FOXO3: variants seen among roughly 807,000 people sequenced by gnomAD.
FOXO3 encodes forkhead box O3, also known as forkhead box protein O3.
Under a neutral mutation model 41.9 loss-of-function variants are expected in FOXO3, and 4 were observed. That is an observed-to-expected ratio of 0.10 (90% CI 0.05 to 0.22). The LOEUF is 0.22. Among genes scored for constraint, FOXO3 ranks in the 10% least tolerant of loss-of-function variants. The probability of loss-of-function intolerance (pLI) is 1.00; values close to 1 mark genes in which losing one functional copy is unlikely to be tolerated. For missense variants in FOXO3, 534 were observed against 906.8 expected, an observed-to-expected ratio of 0.59 and a Z score of 5.28; for synonymous variants, 318 against 389.3, an observed-to-expected ratio of 0.82 and a Z score of 2.16.
At chr6:108,601,581 G>A (rs1777057852) in intron 1 of FOXO3, among the ~76,000 whole-genome samples, 2 of 152,192 alleles carry the variant, frequency 1.3e-5, no homozygotes, top group Non-Finnish European at 2.9e-5. Flanking sequence ...TGGGATTAGA[G>A]GGGTGAGCCA....
In FOXO3 at chr6:108,680,129, T is replaced by C. The variant is rs1770785040; in HGVS notation, c.*337T>C. 6.6e-6 allele frequency: 1 copy of C among 152,650 alleles called. No individual in the cohort carries two copies. The highest frequency in any genetic ancestry group is 1.5e-5 in the Non-Finnish European group (1 of 68,050). 9.5% of individuals were successfully genotyped at this position (152,650 alleles called of 1,614,324 possible). ...CCGTGAGCCCCCGTCGGCCATTCTGTGGTGTTTTAATATTGCGATGGTTTA... is the reference window on the plus strand; with the variant it reads ...CCGTGAGCCCCCGTCGGCCATTCTGCGGTGTTTTAATATTGCGATGGTTTA... On this transcript the variant is annotated 3_prime_UTR_variant, in exon 3 of 3. Coordinates refer to ENST00000406360, the MANE Select transcript of FOXO3 (RefSeq NM_001455.4).
intron 2 of FOXO3, among the ~76,000 whole-genome samples, chr6:108,672,708 CCT>C (rs919350779): frequency 2.6e-5 from 4 of 151,998 alleles, no homozygotes; most frequent in Admixed American, 1.3e-4. Flanking sequence ...CAGTACGTCT[CCT>C]CTCTCTCCCT....
chr6:108,644,571 G>GGTGGC (rs1778344527), intron 1 of FOXO3, among the ~76,000 whole-genome samples: 1 of 152,084 alleles, frequency 6.6e-6, no homozygotes, highest in Admixed American at 6.5e-5. Context: ...CCTCCTGTCT[G>GGTGGC]GTGGCTTCTG....
rs200813812 is a variant in FOXO3, at chr6:108,671,224, AG to A, written c.*34+6336del. On this transcript the variant is annotated intron_variant, in intron 2 of 2. Coordinates refer to ENST00000406360, the MANE Select transcript of FOXO3 (RefSeq NM_001455.4). ...TTGAGGAGCTCCATACTAACAGGTC[AG>A]AGTTCAGGCTGAATCCAGATGCTGG... Among the ~76,000 whole-genome samples the A allele has an allele frequency of 9.0e-3, 1,373 of 152,356 alleles. 11 individuals are homozygous for A. The highest frequency in any genetic ancestry group is 0.02 in the Middle Eastern group (6 of 294).
chr6:108,565,166 A>G (rs1440340808), intron 1 of FOXO3, among the ~76,000 whole-genome samples: 1 of 152,190 alleles, frequency 6.6e-6, no homozygotes, highest in East Asian at 1.9e-4. Context: ...TCATGTTTGC[A>G]TAGCTGTCCA....
At chr6:108,571,170 T>C (rs1465374428) in intron 1 of FOXO3, among the ~76,000 whole-genome samples, 1 of 152,236 alleles carries the variant, frequency 6.6e-6, no homozygotes, top group African/African-American at 2.4e-5. Flanking sequence ...GAGAAATGTA[T>C]GTATGTATAT....
intron 1 of FOXO3, among the ~76,000 whole-genome samples, chr6:108,569,403 C>T (rs991169989): frequency 3.3e-5 from 5 of 152,182 alleles, no homozygotes; most frequent in South Asian, 2.1e-4. Flanking sequence ...AAAAGAACTA[C>T]GGTAGCTGGC....
intron 1 of FOXO3, among the ~76,000 whole-genome samples, chr6:108,647,118 T>C (rs566853986): frequency 1.8e-4 from 27 of 152,376 alleles, no homozygotes; most frequent in Non-Finnish European, 3.1e-4. Context: ...TTTTCTGTTT[T>C]TAAACCTCAT....
At chr6:108,583,435 A>G (rs1776485764) in intron 1 of FOXO3, among the ~76,000 whole-genome samples, 1 of 152,216 alleles carries the variant, frequency 6.6e-6, no homozygotes, top group Non-Finnish European at 1.5e-5. Flanking sequence ...AGTATATTGC[A>G]TGTAATGTTT....
intron 1 of FOXO3, among the ~76,000 whole-genome samples, chr6:108,562,826 T>G (rs1259161145): frequency 6.6e-6 from 1 of 152,174 alleles, no homozygotes; most frequent in African/African-American, 2.4e-5. Context: ...CCAAAGAGAT[T>G]AACTCCTCTG....
intron 1 of FOXO3, among the ~76,000 whole-genome samples, chr6:108,630,341 C>T (rs1184328573): frequency 6.6e-6 from 1 of 152,018 alleles, no homozygotes; most frequent in East Asian, 1.9e-4. Flanking sequence ...CTTGAGAGGA[C>T]AGAGAGGGTG....
chr6:108,608,178 A>G (rs1011588056), intron 1 of FOXO3, among the ~76,000 whole-genome samples: 3 of 152,176 alleles, frequency 2.0e-5, no homozygotes, highest in Non-Finnish European at 4.4e-5. Context: ...GATCACCTCA[A>G]GTTTCTCTCT....
intron 1 of FOXO3, among the ~76,000 whole-genome samples, chr6:108,651,221 T>C (rs1223701132): frequency 2.0e-5 from 3 of 152,248 alleles, no homozygotes; most frequent in Non-Finnish European, 4.4e-5. Context: ...TGGGGTATTC[T>C]GGTGTGTAGC....
chr6:108,571,014 TCCTGATACTACATGTTCATTTATA>T (rs1776085009), intron 1 of FOXO3, among the ~76,000 whole-genome samples: 1 of 152,206 alleles, frequency 6.6e-6, no homozygotes, highest in African/African-American at 2.4e-5. Flanking sequence ...GCTACTCAGT[TCCTGATACTACATGTTCATTTATA>T]CCTAACACCA....
chr6:108,639,905 A>G (rs76435652), intron 1 of FOXO3, among the ~76,000 whole-genome samples: 6,681 of 152,294 alleles, frequency 0.044, 420 homozygotes, highest in African/African-American at 0.14. Context: ...TTCAGAAAGA[A>G]CATAGAACTC....
intron 1 of FOXO3, among the ~76,000 whole-genome samples, chr6:108,576,321 C>T (rs193183930): frequency 6.6e-6 from 1 of 152,290 alleles, no homozygotes; most frequent in African/African-American, 2.4e-5. Context: ...CCCTTCATGT[C>T]ATTTGTTAAG....
chr6:108,591,716 A>G (rs185301844), intron 1 of FOXO3, among the ~76,000 whole-genome samples: 1 of 152,320 alleles, frequency 6.6e-6, no homozygotes, highest in African/African-American at 2.4e-5. Flanking sequence ...CAGTTATTGT[A>G]TAGGGAGGTG....
intron 1 of FOXO3, among the ~76,000 whole-genome samples, chr6:108,616,442 G>T (rs761260108): frequency 1.3e-5 from 2 of 151,928 alleles, no homozygotes. Flanking sequence ...GATTACAGGC[G>T]TGAGCCACCA....
chr6:108,615,252 G>A (rs910939449), intron 1 of FOXO3, among the ~76,000 whole-genome samples: 2 of 151,928 alleles, frequency 1.3e-5, no homozygotes, highest in Non-Finnish European at 2.9e-5. Flanking sequence ...CTCTCTGCTT[G>A]ATGAAACTAC....
Sources: allele counts gnomAD v4.1 joint callset (sites outside exome capture counted in the v4.1 genomes callset), GRCh38; gene constraint gnomAD v4.1.1; transcripts MANE v1.5; gene names NCBI Gene and HGNC (gene_info 2026-07-23, HGNC 2026-07-21).